Variants in RMST observed in about 807,000 individuals in gnomAD.
The protein encoded by RMST is long intergenic non-protein coding RNA 54.
At chr12:97,516,053 T>C (rs1879898416) in intron 10 of RMST, among the ~76,000 whole-genome samples, 1 of 152,076 alleles carries the variant, frequency 6.6e-6, no homozygotes, top group South Asian at 2.1e-4. Context: ...CAACTTTGTA[T>C]TCAAAGAGTT....
At chr12:97,491,858 A>T in intron 5 of RMST, 2 of 501,026 alleles carry the variant, frequency 4.0e-6, no homozygotes, top group Admixed American at 4.0e-5. Flanking sequence ...ATTTCATTGC[A>T]CTGTGTAATT....
In RMST at chr12:97,548,362, C is replaced by G. The variant is rs1883085498; in HGVS notation, n.1546-12175C>G. On this transcript the variant is annotated intron_variant and non_coding_transcript_variant, in intron 11 of 13. Coordinates refer to ENST00000640149, the Ensembl canonical transcript of RMST. Reference sequence around the variant, plus strand: ...GCCTTGTTCTTTTTGCTTAAGATTGCTTTGGCTATTCACAGTCTTTTGTGG... The same window carrying G: ...GCCTTGTTCTTTTTGCTTAAGATTGGTTTGGCTATTCACAGTCTTTTGTGG... Among the ~76,000 whole-genome samples, 8 of 152,108 alleles carry G rather than the reference C, an allele frequency of 5.3e-5. No individual in the cohort carries two copies. The South Asian group carries it at 1.7e-3, about 32-fold the overall frequency.
chr12:97,470,977 T>C (rs1346845949), intron 5 of RMST, among the ~76,000 whole-genome samples: 1 of 152,084 alleles, frequency 6.6e-6, no homozygotes, highest in African/African-American at 2.4e-5. Context: ...AAACAGTACT[T>C]GTGGTTAATT....
chr12:97,487,357 T>C (rs1876226953), intron 5 of RMST, among the ~76,000 whole-genome samples: 1 of 152,134 alleles, frequency 6.6e-6, no homozygotes. Context: ...TATTTGGAGA[T>C]TATTTGTTAG....
At chr12:97,491,839 T>C (rs1176102713) in intron 5 of RMST, 1 of 479,594 alleles carries the variant, frequency 2.1e-6, no homozygotes, top group African/African-American at 2.0e-5. Flanking sequence ...TTTCATCAAA[T>C]GTTCAGTAAT....
chr12:97,473,689 A>C (rs1483259361), intron 5 of RMST, among the ~76,000 whole-genome samples: 2 of 152,178 alleles, frequency 1.3e-5, no homozygotes, highest in Admixed American at 6.5e-5. Flanking sequence ...TATTCCAAAT[A>C]AAACTTAACA....
At chr12:97,551,146 A>C (rs1664529832) in intron 11 of RMST, among the ~76,000 whole-genome samples, 1 of 151,104 alleles carries the variant, frequency 6.6e-6, no homozygotes, top group South Asian at 2.1e-4. Context: ...AAAAAGCATT[A>C]ATGGCATTCA....
chr12:97,554,342 G>A (rs1324302663), intron 11 of RMST, among the ~76,000 whole-genome samples: 1 of 152,178 alleles, frequency 6.6e-6, no homozygotes, highest in African/African-American at 2.4e-5. Flanking sequence ...TCGTATTAAT[G>A]ATTATGCAGA....
At chr12:97,495,018 T>A (rs540082138) in intron 9 of RMST, 10 of 152,194 alleles carry the variant, frequency 6.6e-5, no homozygotes, top group Admixed American at 6.5e-4. Context: ...TTATTTAAAC[T>A]GTGACCTAAA....
At position 97,508,862 on chromosome 12, in the gene RMST, A is replaced by G. The variant is rs180864698; in HGVS notation, n.1340+12806A>G. Among the ~76,000 whole-genome samples the G allele has an allele frequency of 2.1e-3, 319 of 152,342 alleles. 2 individuals are homozygous for G. Among genetic ancestry groups the G allele is most frequent in the African/African-American group, 7.1e-3 (295 of 41,572 alleles). On this transcript the variant is annotated intron_variant and non_coding_transcript_variant, in intron 10 of 13. Coordinates refer to ENST00000640149, the Ensembl canonical transcript of RMST. ...AGAAACTAGACGGTCAAGAATTACA[A>G]CATTGCTTCTGCTTTTTACTACAAT...
intron 11 of RMST, among the ~76,000 whole-genome samples, chr12:97,555,393 T>C (rs1883630331): frequency 6.6e-6 from 1 of 152,242 alleles, no homozygotes; most frequent in Admixed American, 6.5e-5. Flanking sequence ...GTGTATTTTA[T>C]GGTGTTTCAT....
intron 11 of RMST, among the ~76,000 whole-genome samples, chr12:97,534,112 T>G (rs1323429880): frequency 6.6e-6 from 1 of 151,786 alleles, no homozygotes; most frequent in African/African-American, 2.4e-5. Context: ...AATTCTTAAT[T>G]GTGGGACAAG....
Position 97,496,842 on chromosome 12 carries a change from T to C in RMST, n.1340+786T>C, listed in dbSNP as rs189175997. 3.8e-4 allele frequency among the ~76,000 whole-genome samples: 58 copies of C among 152,280 alleles called. No individual in the cohort carries two copies. The East Asian group carries it at 0.011, about 28-fold the overall frequency. On this transcript the variant is annotated intron_variant and non_coding_transcript_variant, in intron 10 of 13. Coordinates refer to ENST00000640149, the Ensembl canonical transcript of RMST. ...TGAATATTATCAGTTTGCATTGACA[T>C]TGAATGCATTTTTAAGGGAGCTTAG...
intron 5 of RMST, among the ~76,000 whole-genome samples, chr12:97,477,602 A>G (rs10745798): frequency 0.87 from 132,641 of 152,204 alleles, 57,964 homozygotes; most frequent in East Asian, 1. Context: ...AAAACTGGTC[A>G]TAGGTTTTGC....
At chr12:97,471,525 G>T (rs1873912769) in intron 5 of RMST, among the ~76,000 whole-genome samples, 1 of 152,138 alleles carries the variant, frequency 6.6e-6, no homozygotes, top group Non-Finnish European at 1.5e-5. Flanking sequence ...GCCCGTGAGA[G>T]TTCCAGAAAT....
chr12:97,485,876 T>A (rs74642463), intron 5 of RMST, among the ~76,000 whole-genome samples: 4,354 of 152,306 alleles, frequency 0.029, 196 homozygotes, highest in East Asian at 0.091. Flanking sequence ...CACCTGGCAG[T>A]GTGTCTTTTT....
At chr12:97,521,436 A>G (rs750009311) in intron 10 of RMST, among the ~76,000 whole-genome samples, 4 of 152,148 alleles carry the variant, frequency 2.6e-5, no homozygotes, top group Non-Finnish European at 5.9e-5. Flanking sequence ...CAACATATAT[A>G]TGTATGTATG....
intron 10 of RMST, among the ~76,000 whole-genome samples, chr12:97,500,653 C>A (rs1036270866): frequency 2.6e-5 from 4 of 152,108 alleles, no homozygotes; most frequent in Non-Finnish European, 4.4e-5. Context: ...CCCCTAGGAT[C>A]CTGGGATGCC....
At chr12:97,523,111 C>G (rs569042080) in intron 10 of RMST, among the ~76,000 whole-genome samples, 1 of 152,072 alleles carries the variant, frequency 6.6e-6, no homozygotes. Flanking sequence ...GAAAGAGACA[C>G]GAGCATTTAG....
Sources: gnomAD v4.1 joint callset for allele counts (sites outside exome capture counted in the v4.1 genomes callset) on GRCh38, gnomAD v4.1.1 for gene constraint, MANE v1.5 for transcripts, NCBI Gene and HGNC (gene_info 2026-07-23, HGNC 2026-07-21) for gene names.